Variants in TONSL observed in about 807,000 individuals in gnomAD.
The protein encoded by TONSL is tonsoku-like protein.
In TONSL, 112 loss-of-function variants were observed where a neutral mutation model predicts 147.1. The observed-to-expected ratio is 0.76, with a 90% CI of 0.65 to 0.89. The LOEUF (loss-of-function observed/expected upper bound fraction) is 0.89. TONSL is among the 40% of genes least tolerant of loss of function. The pLI, the probability that TONSL is intolerant of heterozygous loss-of-function variation, is 0.00. For missense variants in TONSL, 1,883 were observed against 1,864.6 expected, an observed-to-expected ratio of 1.01 and a Z score of -0.18; for synonymous variants, 868 against 801.5, an observed-to-expected ratio of 1.08 and a Z score of -1.40.
intron 24 of TONSL, 146 bp downstream of exon 24, chr8:144,430,932 G>A (rs1823161555): frequency 5.4e-6 from 5 of 927,890 alleles, no homozygotes; most frequent in Non-Finnish European, 6.7e-6. Context: ...AGGGCAGCCT[G>A]AGAGGCTGGT....
In TONSL at chr8:144,432,409, G is replaced by T. The variant is rs782303877; in HGVS notation, c.3611C>A (p.Pro1204His). ...GCTCTGCAGGGTCCTGGCCAGGGCA[G>T]GGGCTCCCAGGGCGTTGTAGGACAG... The part of the protein sequence containing the change: ...LSLSYNALGA[P>H]ALARTLQSLP... The change falls in exon 23 of 26, where the codon CCT becomes CAT. Residue 1204 changes from proline to histidine, a missense_variant. Physicochemically the swap from Pro to His is moderately conservative, Grantham distance 77. Transcript: ENST00000409379. 11 of 1,590,856 alleles carry T rather than the reference G, an allele frequency of 6.9e-6. No individual in the cohort carries two copies. The highest frequency in any genetic ancestry group is 1.8e-5 in the Admixed American group (1 of 54,456).
At chr8:144,433,383 T>G (rs1017447854) in intron 22 of TONSL, 1 of 568,572 alleles carries the variant, frequency 1.8e-6, no homozygotes, top group Non-Finnish European at 3.0e-6. Context: ...GCCTAGACGC[T>G]TTTTTCTTAA....
intron 7 of TONSL, 27 bp from the exon 8 acceptor site, chr8:144,441,138 G>A: frequency 1.9e-6 from 3 of 1,609,958 alleles, no homozygotes; most frequent in Non-Finnish European, 2.5e-6. Flanking sequence ...CATGCAGGGG[G>A]GCAGCACAGG....
rs760594713 is a variant in TONSL at position 144,436,746 on chromosome 8, A to G, written c.1890+11T>C. ...TAACCTCGCCCTTGCCCTCTGCCCC[A>G]CCAGGCTCACCTTTCGAGTGCGGAG... On this transcript the variant is annotated intron_variant, in intron 15 of 25. Transcript: ENST00000409379. 5 of 1,610,384 alleles carry G rather than the reference A, an allele frequency of 3.1e-6. No individual in the cohort carries two copies. In the South Asian group the frequency reaches 4.4e-5, roughly 14 times the overall value.
rs755195695 is a variant in TONSL at position 144,435,115 on chromosome 8, G to A, written c.2908C>T (p.Gln970Ter). The A allele has an allele frequency of 6.3e-7, 1 of 1,595,170 alleles. No homozygotes were observed. Among genetic ancestry groups the A allele is most frequent in the Non-Finnish European group, 8.5e-7 (1 of 1,171,716 alleles). Residue 970 changes from glutamine (Q) to a stop codon, truncating the protein, a stop_gained, in exon 19 of 26, where the codon CAG becomes TAG. Coordinates refer to ENST00000409379, the MANE Select transcript of TONSL (RefSeq NM_013432.5). LOFTEE classifies it high-confidence loss of function. ...LAEQAAQRYY[Q>*]TCGLLPRLTL... is the part of the protein sequence containing the mutation. ...AGCCTGGGCAGCAGCCCGCAGGTCTGGTAGTAGCGCTGGGCCGCCTGCTCG... is the reference window on the plus strand; with the variant it reads ...AGCCTGGGCAGCAGCCCGCAGGTCTAGTAGTAGCGCTGGGCCGCCTGCTCG...
chr8:144,437,341 G>C (rs1057184522), intron 13 of TONSL, among the ~76,000 whole-genome samples: 1 of 152,240 alleles, frequency 6.6e-6, no homozygotes, highest in Non-Finnish European at 1.5e-5. Context: ...CCCTTGTGGG[G>C]AGACAGTGCA....
rs1350237884 is a variant in TONSL, at chr8:144,436,002, G to C, written c.2431C>G (p.Pro811Ala). Reference protein sequence around the residue: ...SAQSRLGPGPPRGHSKALAPQ... With the variant: ...SAQSRLGPGPARGHSKALAPQ... ...GCAAGGGCTTTGCTGTGGCCCCGCGGTGGGCCAGGCCCCAGCCGGCTCTGA... is the reference window on the plus strand; with the variant it reads ...GCAAGGGCTTTGCTGTGGCCCCGCGCTGGGCCAGGCCCCAGCCGGCTCTGA... The change falls in exon 17 of 26, where the codon CCG becomes GCG. Residue 811 changes from proline to alanine, a missense_variant. Coordinates refer to ENST00000409379, the MANE Select transcript of TONSL (RefSeq NM_013432.5). 1 of 1,552,316 alleles carries C rather than the reference G, an allele frequency of 6.4e-7. No individual in the cohort carries two copies. Among genetic ancestry groups the C allele is most frequent in the South Asian group, 1.2e-5 (1 of 85,558 alleles).
Position 144,429,242 on chromosome 8 carries a change from A to C in TONSL, c.4038T>G (p.Ala1346=). 6.5e-7 allele frequency: 1 copy of C among 1,530,946 alleles called. No homozygotes were observed. Among genetic ancestry groups the C allele is most frequent in the Non-Finnish European group, 8.8e-7 (1 of 1,140,694 alleles). 94.8% of individuals were successfully genotyped at this position (1,530,946 alleles called of 1,614,324 possible). A position where few individuals can be genotyped will look rare whatever the true frequency, so the allele number is the denominator to read the frequency against. ...ELQLCSRRLC[A]EDRDALRQLQ... is the part of the protein sequence containing the mutation. ...GCTGGCGCAGGGCGTCCCTGTCCTCAGCGCAGAGGCGTCTGCTGCACAGCT... is the reference window on the plus strand; with the variant it reads ...GCTGGCGCAGGGCGTCCCTGTCCTCCGCGCAGAGGCGTCTGCTGCACAGCT... Residue 1346 remains alanine, a synonymous_variant, in exon 26 of 26, where the codon GCT becomes GCG. Transcript: ENST00000409379.
In TONSL at chr8:144,434,247, G is replaced by C. The variant is rs1245307931; in HGVS notation, c.3118C>G (p.Leu1040Val). Reference protein sequence around the residue: ...EHQQVLQAVELQGLGLSFSAC... With the variant: ...EHQQVLQAVEVQGLGLSFSAC... ...CTGAACGAGAGGCCCAAGCCCTGGA[G>C]CTCCACGGCCTGCAGCACCTGTTGG... The change falls in exon 21 of 26, where the codon CTC becomes GTC. Residue 1040 changes from leucine to valine, a missense_variant. By Grantham distance (32) the Leu-to-Val change is conservative. Transcript: ENST00000409379. The C allele has an allele frequency of 1.8e-5, 28 of 1,527,174 alleles. No homozygotes were observed. Among genetic ancestry groups the C allele is most frequent in the Non-Finnish European group, 2.4e-5 (27 of 1,135,424 alleles). The allele number at this position is 1,527,174 out of a possible 1,614,324, so 94.6% of individuals were successfully genotyped here.
intron 5 of TONSL, 29 bp from the exon 6 acceptor site, chr8:144,442,441 C>T: frequency 6.6e-7 from 1 of 1,520,768 alleles, no homozygotes; most frequent in Non-Finnish European, 8.8e-7. Flanking sequence ...CACTGAGCAC[C>T]CAGGAGTGTC....
chr8:144,439,380 C>T (rs1823613180), intron 11 of TONSL, among the ~76,000 whole-genome samples: 1 of 152,172 alleles, frequency 6.6e-6, no homozygotes, highest in South Asian at 2.1e-4. Context: ...CTGGCAAGGC[C>T]CCAACTTCCC....
chr8:144,435,186 C>A lies in TONSL; in HGVS notation c.2853-16G>T. ...GGTGTCACTGCTGCAGGGACAGAGG[C>A]GCTGCTGCTGCTGCCTGCACACAGC... On this transcript the variant is annotated splice_polypyrimidine_tract_variant and intron_variant, in intron 18 of 25. Coordinates refer to ENST00000409379, the MANE Select transcript of TONSL (RefSeq NM_013432.5). 6.7e-7 allele frequency: 1 copy of A among 1,501,798 alleles called. No individual in the cohort carries two copies. Among genetic ancestry groups the A allele is most frequent in the Non-Finnish European group, 8.9e-7 (1 of 1,126,706 alleles). 93.0% of individuals were successfully genotyped at this position (1,501,798 alleles called of 1,614,324 possible).
Position 144,428,909 on chromosome 8 carries a change from C to T in TONSL, c.*234G>A. On this transcript the variant is annotated 3_prime_UTR_variant, in exon 26 of 26. Transcript: ENST00000409379. The stretch of plus-strand genomic sequence containing the variant: ...GGTTCACGCCATTCTCCTGCCTCAG[C>T]CTCCGGAGTAGCTGGGACTACAGGC... 2.5e-6 allele frequency: 1 copy of T among 404,226 alleles called. No individual in the cohort carries two copies. The allele number at this position is 404,226 out of a possible 1,614,324, so 25.0% of individuals were successfully genotyped here. A position where few individuals can be genotyped will look rare whatever the true frequency, so the allele number is the denominator to read the frequency against.
At chr8:144,439,784 C>T in intron 11 of TONSL, 1 of 539,666 alleles carries the variant, frequency 1.9e-6, no homozygotes, top group Non-Finnish European at 3.2e-6. Flanking sequence ...CGGGACCATG[C>T]CCCAGCTGAC....
At position 144,433,737 on chromosome 8, in the gene TONSL, C is replaced by A; in HGVS notation, c.3410G>T (p.Ser1137Ile). ...ACAGCCGTCCCCCAGGGGGTTCATG[C>A]TTAAGTCCAGCTCCTCCAAACTCTG... The part of the protein sequence containing the change: ...TLQSLEELDL[S>I]MNPLGDGCGQ... The change falls in exon 22 of 26, where the codon AGC becomes ATC. Residue 1137 changes from serine (S) to isoleucine (I), a missense_variant. Transcript: ENST00000409379. The A allele has an allele frequency of 6.3e-7, 1 of 1,593,256 alleles. No individual in the cohort carries two copies. The highest frequency in any genetic ancestry group is 8.5e-7 in the Non-Finnish European group (1 of 1,170,666).
chr8:144,438,767 T>C (rs1304311082), intron 11 of TONSL, 32 bp from the exon 12 acceptor site: 3 of 1,604,938 alleles, frequency 1.9e-6, no homozygotes, highest in Non-Finnish European at 2.6e-6. Flanking sequence ...CCCAGGGGAG[T>C]CCGTGGGAGG....
At chr8:144,435,345 G>A in intron 18 of TONSL, 129 bp downstream of exon 18, 1 of 1,231,436 alleles carries the variant, frequency 8.1e-7, no homozygotes, top group Non-Finnish European at 1.1e-6. Flanking sequence ...GCTATTCCTG[G>A]GGGCCACAGG....
chr8:144,430,059 C>G (rs1823118346), intron 25 of TONSL, among the ~76,000 whole-genome samples: 1 of 152,162 alleles, frequency 6.6e-6, no homozygotes, highest in African/African-American at 2.4e-5. Flanking sequence ...AGGAGGGTCC[C>G]TTGGCAGCTT....
chr8:144,433,624 G>A lies in TONSL; in HGVS notation c.3523C>T (p.Leu1175=). The A allele has an allele frequency of 6.2e-7, 1 of 1,613,488 alleles. No homozygotes were observed. The highest frequency in any genetic ancestry group is 8.5e-7 in the Non-Finnish European group (1 of 1,179,980). ...QACGFGPSFF[L]SHQTALGSAF... ...CTACCCAGTGCTGTCTGGTGGCTCA[G>A]AAAGAAGCTGGGGCCGAAGCCACAC... The change falls in exon 22 of 26, where the codon CTG becomes TTG. Residue 1175 remains leucine, a synonymous_variant. Coordinates refer to ENST00000409379, the MANE Select transcript of TONSL (RefSeq NM_013432.5).
Sources: gnomAD v4.1 joint callset for allele counts (sites outside exome capture counted in the v4.1 genomes callset) on GRCh38, gnomAD v4.1.1 for gene constraint, MANE v1.5 for transcripts, NCBI Gene and HGNC (gene_info 2026-07-23, HGNC 2026-07-21) for gene names.